Variants in ST8SIA2 observed in about 807,000 individuals in gnomAD.
The protein encoded by ST8SIA2 is alpha-2,8-sialyltransferase 8B.
Under a neutral mutation model 37.6 loss-of-function variants are expected in ST8SIA2, and 22 were observed. The observed-to-expected ratio is 0.58, with a 90% CI of 0.42 to 0.83. The LOEUF (loss-of-function observed/expected upper bound fraction) is 0.83, where lower values mean the gene tolerates loss of function less well. ST8SIA2 is among the 40% of genes least tolerant of loss of function. The pLI is 0.00. For missense variants in ST8SIA2, 382 were observed against 484.7 expected, an observed-to-expected ratio of 0.79 and a Z score of 1.99; for synonymous variants, 205 against 201.2, an observed-to-expected ratio of 1.02 and a Z score of -0.16.
intron 5 of ST8SIA2, among the ~76,000 whole-genome samples, chr15:92,457,939 T>C (rs1180394181): frequency 6.6e-6 from 1 of 152,188 alleles, no homozygotes; most frequent in African/African-American, 2.4e-5. Context: ...ATCTGAGAGG[T>C]TGGGCATTTC....
intron 5 of ST8SIA2, 28 bp from the exon 6 acceptor site, chr15:92,464,072 C>CTTTTTTTTTTTTTTTTTTTTTTTT: frequency 7.9e-7 from 1 of 1,271,960 alleles, no homozygotes. Context: ...TGTTTCTTTT[C>CTTTTTTTTTTTTTTTTTTTTTTTT]TTTTTTTTTT....
chr15:92,396,774 C>T (rs914437722), intron 1 of ST8SIA2, among the ~76,000 whole-genome samples: 1 of 152,180 alleles, frequency 6.6e-6, no homozygotes, highest in Non-Finnish European at 1.5e-5. Context: ...CAGGCGTGAG[C>T]CACCCCTCCC....
Position 92,464,119 on chromosome 15 carries a change from G to A in ST8SIA2, c.862G>A (p.Val288Ile), listed in dbSNP as rs375025272. ...AVRGYWLTNK[V>I]HIKRPTTGLL... ...TTCCAGATACTGGCTGACCAACAAA[G>A]TCCACATCAAAAGACCCACCACCGG... Residue 288 changes from valine to isoleucine, a missense_variant, in exon 6 of 6, where the codon GTC becomes ATC. Coordinates refer to ENST00000268164, the MANE Select transcript of ST8SIA2 (RefSeq NM_006011.4). 77 of 750,266 alleles carry A rather than the reference G, an allele frequency of 1.0e-4. 1 individual carries two copies. In the Middle Eastern group the frequency reaches 3.1e-3, roughly 30 times the overall value. The allele number at this position is 750,266 out of a possible 1,614,324, so 46.5% of individuals were successfully genotyped here. A position where few individuals can be genotyped will look rare whatever the true frequency, so the allele number is the denominator to read the frequency against.
intron 4 of ST8SIA2, among the ~76,000 whole-genome samples, chr15:92,442,541 G>A (rs745408805): frequency 6.6e-6 from 1 of 152,110 alleles, no homozygotes; most frequent in African/African-American, 2.4e-5. Context: ...GAGTCCACTT[G>A]GCCCTGCTCT....
rs186480668 is a variant in ST8SIA2 at position 92,413,956 on chromosome 15, A to G, written c.99-16093A>G. Among the ~76,000 whole-genome samples, 795 of 152,340 alleles carry G rather than the reference A, an allele frequency of 5.2e-3. 7 individuals carry two copies. Among genetic ancestry groups the G allele is most frequent in the African/African-American group, 0.017 (717 of 41,578 alleles). The stretch of plus-strand genomic sequence containing the variant: ...GGCACCAGCCCAGACCCTGGGGGCT[A>G]ATAGGCTGTGACTTTCATGTCCCCT... On this transcript the variant is annotated intron_variant, in intron 1 of 5. Transcript: ENST00000268164.
intron 5 of ST8SIA2, among the ~76,000 whole-genome samples, chr15:92,446,013 C>T (rs1567221843): frequency 6.6e-6 from 1 of 151,900 alleles, no homozygotes; most frequent in Non-Finnish European, 1.5e-5. Flanking sequence ...CACTCTCTTC[C>T]AGTTATCTAT....
intron 1 of ST8SIA2, among the ~76,000 whole-genome samples, chr15:92,420,097 C>T (rs1038388972): frequency 1.3e-5 from 2 of 152,202 alleles, no homozygotes; most frequent in Admixed American, 1.3e-4. Context: ...GATCTATTGA[C>T]TTCGTGATCT....
intron 1 of ST8SIA2, among the ~76,000 whole-genome samples, chr15:92,404,256 G>C (rs1331805396): frequency 6.6e-6 from 1 of 152,164 alleles, no homozygotes; most frequent in Non-Finnish European, 1.5e-5. Context: ...AGCTACTCTT[G>C]GAAGATTAAG....
chr15:92,399,840 T>G (rs1249991886), intron 1 of ST8SIA2, among the ~76,000 whole-genome samples: 1 of 152,234 alleles, frequency 6.6e-6, no homozygotes, highest in African/African-American at 2.4e-5. Context: ...AAACATGTTT[T>G]AGGTTTTACA....
rs1391787840 is a variant in ST8SIA2, at chr15:92,447,720, G to A, written c.842+2791G>A. Among the ~76,000 whole-genome samples the A allele has an allele frequency of 5.9e-5, 9 of 152,176 alleles. No individual in the cohort carries two copies. The South Asian group carries it at 1.9e-3, about 32-fold the overall frequency. ...AAACCCATTGCCCCCAAGAAAGCCCGAGAGAGACATTCGATAAGGAGCAGC... is the reference window on the plus strand; with the variant it reads ...AAACCCATTGCCCCCAAGAAAGCCCAAGAGAGACATTCGATAAGGAGCAGC... On this transcript the variant is annotated intron_variant, in intron 5 of 5. Coordinates refer to ENST00000268164, the MANE Select transcript of ST8SIA2 (RefSeq NM_006011.4).
intron 1 of ST8SIA2, among the ~76,000 whole-genome samples, chr15:92,402,119 C>T (rs926868877): frequency 6.6e-6 from 1 of 152,124 alleles, no homozygotes; most frequent in Non-Finnish European, 1.5e-5. Flanking sequence ...TGAGTCCCCA[C>T]CCCCAGTGTT....
intron 4 of ST8SIA2, among the ~76,000 whole-genome samples, chr15:92,444,049 G>C (rs934739878): frequency 6.6e-6 from 1 of 152,146 alleles, no homozygotes; most frequent in East Asian, 1.9e-4. Context: ...CCATAAGAGC[G>C]ATGACAACAG....
rs752266959 is a variant in ST8SIA2 at position 92,444,946 on chromosome 15, C to T, written c.842+17C>T. On this transcript the variant is annotated intron_variant, in intron 5 of 5. Transcript: ENST00000268164. ...CGTTCGCGGGTGAGCGGCCTCCCTA[C>T]AGGCCAGTAGGACCGTCACTAAGTG... 1.2e-6 allele frequency: 2 copies of T among 1,606,836 alleles called. No individual in the cohort carries two copies. The highest frequency in any genetic ancestry group is 4.5e-5 in the East Asian group (2 of 44,876).
intron 1 of ST8SIA2, among the ~76,000 whole-genome samples, chr15:92,416,888 C>T (rs2049591135): frequency 6.6e-6 from 1 of 152,214 alleles, no homozygotes; most frequent in South Asian, 2.1e-4. Context: ...CAGCAGGTGC[C>T]TGTTCTACCA....
intron 1 of ST8SIA2, among the ~76,000 whole-genome samples, chr15:92,416,080 G>C (rs1031656091): frequency 1.3e-5 from 2 of 152,140 alleles, no homozygotes; most frequent in Non-Finnish European, 2.9e-5. Flanking sequence ...GGAAAGCTGT[G>C]TCTGTGTAGG....
rs533590308 is a variant in ST8SIA2 at position 92,466,282 on chromosome 15, G to C, written c.*1897G>C. 1.3e-5 allele frequency: 2 copies of C among 152,154 alleles called. No homozygotes were observed. Among genetic ancestry groups the C allele is most frequent in the Admixed American group, 6.5e-5 (1 of 15,276 alleles). The allele number at this position is 152,154 out of a possible 1,614,324, so 9.4% of individuals were successfully genotyped here. A position where few individuals can be genotyped will look rare whatever the true frequency, so the allele number is the denominator to read the frequency against. On this transcript the variant is annotated 3_prime_UTR_variant, in exon 6 of 6. Coordinates refer to ENST00000268164, the MANE Select transcript of ST8SIA2 (RefSeq NM_006011.4). ...GCCTCTGTGGGAACTGAGTGGTTTC[G>C]GACTCCTCACAGGCGGTGGAAATAA...
chr15:92,464,469 T>C lies in ST8SIA2; in HGVS notation c.*84T>C, dbSNP rs2049979176. On this transcript the variant is annotated 3_prime_UTR_variant, in exon 6 of 6. Coordinates refer to ENST00000268164, the MANE Select transcript of ST8SIA2 (RefSeq NM_006011.4). ...ATGGGAGTCGGGGTGGCACAAACAA[T>C]AGAACAAGCAGGCTAGTGGTTTTCT... 7 of 1,485,362 alleles carry C rather than the reference T, an allele frequency of 4.7e-6. No individual in the cohort carries two copies. Among genetic ancestry groups the C allele is most frequent in the South Asian group, 2.3e-5 (2 of 88,270 alleles). 92.0% of individuals were successfully genotyped at this position (1,485,362 alleles called of 1,614,324 possible).
chr15:92,456,768 A>G (rs924696986), intron 5 of ST8SIA2, among the ~76,000 whole-genome samples: 1 of 152,174 alleles, frequency 6.6e-6, no homozygotes, highest in African/African-American at 2.4e-5. Flanking sequence ...CACAAGCCCG[A>G]TGGAGGCTAT....
rs1421748220 is a variant in ST8SIA2 at position 92,464,361 on chromosome 15, C to T, written c.1104C>T (p.Val368=). The change falls in exon 6 of 6, where the codon GTC becomes GTT. Residue 368 remains valine, a synonymous_variant. Transcript: ENST00000268164. ...LHEQGALKLT[V]GQCDGAT ...AGCAGGGGGCTTTGAAACTGACTGT[C>T]GGCCAGTGCGATGGGGCCACGTAGG... 16 of 1,613,732 alleles carry T rather than the reference C, an allele frequency of 9.9e-6. No individual in the cohort carries two copies. Among genetic ancestry groups the T allele is most frequent in the East Asian group, 6.7e-5 (3 of 44,868 alleles).
Sources: allele counts gnomAD v4.1 joint callset (sites outside exome capture counted in the v4.1 genomes callset), GRCh38; gene constraint gnomAD v4.1.1; transcripts MANE v1.5; gene names NCBI Gene and HGNC (gene_info 2026-07-23, HGNC 2026-07-21).